PHLPP1: variants seen among roughly 807,000 people sequenced by gnomAD.
PHLPP1 encodes the protein PH domain leucine-rich repeat-containing protein phosphatase 1.
A neutral mutation model predicts 117.2 loss-of-function variants in PHLPP1; 42 were observed. The observed-to-expected ratio is 0.36, with a 90% CI of 0.28 to 0.46. The LOEUF (loss-of-function observed/expected upper bound fraction) is 0.46. Ranked by LOEUF, PHLPP1 falls within the 20% of genes least tolerant of loss-of-function variation. The probability of loss-of-function intolerance (pLI) is 1.00; values close to 1 mark genes in which losing one functional copy is unlikely to be tolerated. For missense variants in PHLPP1, 2,084 were observed against 2,241.9 expected (o/e 0.93, Z 1.42); for synonymous variants, 1,042 against 970.7 (o/e 1.07, Z -1.37).
chr18:62,729,551 TG>T (rs1454001153), intron 1 of PHLPP1, among the ~76,000 whole-genome samples: 1 of 152,112 alleles, frequency 6.6e-6, no homozygotes, highest in Non-Finnish European at 1.5e-5. Flanking sequence ...GGTGTGCGGC[TG>T]TAATCCCAGC....
chr18:62,816,246 G>C (rs117500066), intron 1 of PHLPP1, among the ~76,000 whole-genome samples: 1 of 152,058 alleles, frequency 6.6e-6, no homozygotes. Context: ...TTGTATTAAT[G>C]TACACTCATA....
intron 4 of PHLPP1, among the ~76,000 whole-genome samples, chr18:62,878,036 A>G (rs955782080): frequency 1.3e-5 from 2 of 152,292 alleles, no homozygotes; most frequent in African/African-American, 2.4e-5. Flanking sequence ...CTTGATTCCA[A>G]TTCAGTTATT....
At chr18:62,962,707 G>C (rs1443723737) in intron 13 of PHLPP1, among the ~76,000 whole-genome samples, 1 of 152,150 alleles carries the variant, frequency 6.6e-6, no homozygotes, top group Admixed American at 6.5e-5. Context: ...GCTGAGGAGA[G>C]GTAAGAAATC....
intron 12 of PHLPP1, among the ~76,000 whole-genome samples, chr18:62,946,298 G>A (rs957632268): frequency 6.6e-6 from 1 of 152,076 alleles, no homozygotes; most frequent in African/African-American, 2.4e-5. Context: ...TTTCACTCTT[G>A]TTGCCCAGGC....
At chr18:62,771,837 A>G (rs957373657) in intron 1 of PHLPP1, among the ~76,000 whole-genome samples, 1 of 152,246 alleles carries the variant, frequency 6.6e-6, no homozygotes, top group African/African-American at 2.4e-5. Flanking sequence ...TAAGCCCATC[A>G]GCCATTTTCA....
intron 3 of PHLPP1, among the ~76,000 whole-genome samples, chr18:62,846,034 T>G (rs979972258): frequency 1.6e-4 from 24 of 151,610 alleles, no homozygotes; most frequent in African/African-American, 5.8e-4. Context: ...TGAAACCCCG[T>G]CTCCACTAAA....
At chr18:62,829,504 C>T (rs1343266007) in intron 1 of PHLPP1, among the ~76,000 whole-genome samples, 1 of 152,230 alleles carries the variant, frequency 6.6e-6, no homozygotes, top group Non-Finnish European at 1.5e-5. Flanking sequence ...GTAATCCCAG[C>T]ACTTTGGGAG....
chr18:62,717,023 G>T lies in PHLPP1; in HGVS notation c.1340G>T (p.Gly447Val), dbSNP rs1910771807. 6.5e-7 allele frequency: 1 copy of T among 1,545,244 alleles called. No individual in the cohort carries two copies. The highest frequency in any genetic ancestry group is 2.0e-5 in the Admixed American group (1 of 50,922). ...GCAGCGGCAGCCGTGGCCCCGGGAG[G>T]CCTCCAGTCTACCCCCGGGAGGAGC... Reference protein sequence around the residue: ...EKAAAAVAPGGLQSTPGRSGV... With the variant: ...EKAAAAVAPGVLQSTPGRSGV... Residue 447 changes from glycine (G) to valine (V), a missense_variant, in exon 1 of 17, where the codon GGC (glycine) becomes GTC (valine). Gly to Val is a moderately radical substitution (Grantham distance 109). This residue lies in a region of PHLPP1 where 719 missense variants were observed against 636.0 expected (regional missense o/e 1.13). Transcript: ENST00000262719.
At chr18:62,738,694 TAAC>T (rs1260529804) in intron 1 of PHLPP1, among the ~76,000 whole-genome samples, 1 of 152,162 alleles carries the variant, frequency 6.6e-6, no homozygotes, top group African/African-American at 2.4e-5. Context: ...AGTAAGAGAT[TAAC>T]AACAATAAAT....
chr18:62,916,832 C>T (rs1193228299), intron 9 of PHLPP1, among the ~76,000 whole-genome samples: 1 of 130,958 alleles, frequency 7.6e-6, no homozygotes, highest in East Asian at 2.5e-4. Context: ...TGGCTCACTG[C>T]AACCTCTGCC....
intron 1 of PHLPP1, among the ~76,000 whole-genome samples, chr18:62,795,511 AAAC>A (rs1568119824): frequency 6.6e-6 from 1 of 151,258 alleles, no homozygotes; most frequent in African/African-American, 2.4e-5. Flanking sequence ...AAAAAAAAAA[AAAC>A]AACAACAAAA....
chr18:62,860,394 A>T, intron 3 of PHLPP1, 41 bp from the exon 4 acceptor site: 1 of 1,548,518 alleles, frequency 6.5e-7, no homozygotes, highest in Non-Finnish European at 8.9e-7. Context: ...TAGTTATAGG[A>T]TAAGTGGATG....
intron 10 of PHLPP1, among the ~76,000 whole-genome samples, chr18:62,927,847 A>G (rs968265696): frequency 6.8e-5 from 10 of 147,124 alleles, no homozygotes; most frequent in African/African-American, 2.4e-4. Context: ...CAAACAAAAT[A>G]CCTTAAAGTA....
chr18:62,813,531 C>T (rs764398282), intron 1 of PHLPP1, among the ~76,000 whole-genome samples: 2 of 152,202 alleles, frequency 1.3e-5, no homozygotes, highest in Non-Finnish European at 2.9e-5. Flanking sequence ...ACCTGATTTG[C>T]TTGCTTCTTT....
At chr18:62,865,878 T>C (rs561862341) in intron 4 of PHLPP1, among the ~76,000 whole-genome samples, 103 of 152,230 alleles carry the variant, frequency 6.8e-4, no homozygotes, top group African/African-American at 2.5e-3. Flanking sequence ...GTGGGGCCTA[T>C]TGGAGGCTGG....
intron 15 of PHLPP1, 102 bp downstream of exon 15, chr18:62,972,810 T>C: frequency 1.2e-6 from 1 of 859,316 alleles, no homozygotes; most frequent in Non-Finnish European, 1.8e-6. Flanking sequence ...CCAAGCCATG[T>C]TTTTTGACTA....
intron 1 of PHLPP1, among the ~76,000 whole-genome samples, chr18:62,744,651 T>C (rs1311299907): frequency 6.6e-6 from 1 of 152,214 alleles, no homozygotes; most frequent in Non-Finnish European, 1.5e-5. Flanking sequence ...TAAATCAACC[T>C]GATAATGAAG....
At chr18:62,783,337 C>T (rs1913178848) in intron 1 of PHLPP1, among the ~76,000 whole-genome samples, 1 of 151,492 alleles carries the variant, frequency 6.6e-6, no homozygotes, top group Admixed American at 6.6e-5. Flanking sequence ...ACGCCATTCA[C>T]CTGCCTCAGC....
rs969272990 is a variant in PHLPP1, at chr18:62,815,380, A to G, written c.1577-14655A>G. Among the ~76,000 whole-genome samples the G allele has an allele frequency of 2.6e-5, 4 of 151,858 alleles. No homozygotes were observed. The East Asian group carries it at 5.8e-4, about 22-fold the overall frequency. The stretch of plus-strand genomic sequence containing the variant: ...CACCGTGTTAGCCAGGATGGTCTCA[A>G]TCTCCTGACCTAGTGATCGCCTGCC... On this transcript the variant is annotated intron_variant, in intron 1 of 16. Coordinates refer to ENST00000262719, the MANE Select transcript of PHLPP1 (RefSeq NM_194449.4).
Sources: allele counts gnomAD v4.1 joint callset (sites outside exome capture counted in the v4.1 genomes callset), GRCh38; gene constraint gnomAD v4.1.1; regional missense constraint gnomAD v4.1.1; transcripts MANE v1.5; gene names NCBI Gene and HGNC (gene_info 2026-07-23, HGNC 2026-07-21).